MST1R: variants seen among roughly 807,000 people sequenced by gnomAD.
MST1R encodes the protein macrophage-stimulating protein receptor.
MST1R carries 99 observed loss-of-function variants against 117.8 expected under a neutral mutation model. That is an observed-to-expected ratio of 0.84 (90% CI 0.71 to 0.99). MST1R has a LOEUF of 0.99. Ranked by LOEUF, MST1R falls within the 50% of genes least tolerant of loss-of-function variation. The pLI is 0.00. For synonymous variants in MST1R, 734 were observed against 765.3 expected (o/e 0.96, Z 0.68); for missense variants, 1,683 against 1,840.2 (o/e 0.91, Z 1.56).
chr3:49,890,786 C>T (rs1309903982), intron 17 of MST1R, 136 bp from the exon 18 acceptor site: 4 of 795,154 alleles, frequency 5.0e-6, no homozygotes, highest in African/African-American at 3.5e-5. Context: ...AGTGCAGTGG[C>T]GCGATCTCCG....
intron 19 of MST1R, 44 bp from the exon 20 acceptor site, chr3:49,887,606 A>G (rs934335276): frequency 6.3e-7 from 1 of 1,598,576 alleles, no homozygotes; most frequent in Non-Finnish European, 8.5e-7. Context: ...TTTCCACCCA[A>G]GGATTCTGGG....
Position 49,887,268 on chromosome 3 carries a change from A to C in MST1R, c.*39T>G. 6.2e-7 allele frequency: 1 copy of C among 1,606,458 alleles called. No individual in the cohort carries two copies. The highest frequency in any genetic ancestry group is 8.5e-7 in the Non-Finnish European group (1 of 1,175,826). On this transcript the variant is annotated 3_prime_UTR_variant, in exon 20 of 20. Transcript: ENST00000296474. ...CATGGCCCAGAGGCAGCTTGGGGTT[A>C]GCTCAAGGCAGCTAAGCAGGTCCAG... is the stretch of plus-strand genomic sequence containing the variant.
intron 17 of MST1R, among the ~76,000 whole-genome samples, 195 bp downstream of exon 17, chr3:49,891,002 A>G (rs2082298152): frequency 6.6e-6 from 1 of 152,214 alleles, no homozygotes. Flanking sequence ...CTGGGATTAC[A>G]GACGTGAGCC....
At position 49,887,226 on chromosome 3, in the gene MST1R, A is replaced by C. The variant is rs2082188803; in HGVS notation, c.*81T>G. On this transcript the variant is annotated 3_prime_UTR_variant, in exon 20 of 20. Transcript: ENST00000296474. ...AAGGGCAGGAACAAGGTGGAGGGCCACTGCCCTCTGGCCTGGCATGGCCCA... is the reference window on the plus strand; with the variant it reads ...AAGGGCAGGAACAAGGTGGAGGGCCCCTGCCCTCTGGCCTGGCATGGCCCA... The C allele has an allele frequency of 1.6e-5, 25 of 1,562,708 alleles. No homozygotes were observed. Among genetic ancestry groups the C allele is most frequent in the Non-Finnish European group, 2.1e-5 (24 of 1,150,340 alleles).
At chr3:49,893,724 C>G (rs2082381855) in intron 14 of MST1R, among the ~76,000 whole-genome samples, 1 of 149,854 alleles carries the variant, frequency 6.7e-6, no homozygotes, top group South Asian at 2.1e-4. Flanking sequence ...ACGGTGAAAC[C>G]CCATCTCTAC....
chr3:49,898,439 T>C (rs1192189181), intron 4 of MST1R, 79 bp downstream of exon 4: 7 of 1,547,018 alleles, frequency 4.5e-6, no homozygotes, highest in Middle Eastern at 1.8e-4. Flanking sequence ...CTGAGAAAAA[T>C]TGTGATCAAG....
Position 49,898,011 on chromosome 3 carries a change from T to TC in MST1R, c.1880+39dup, listed in dbSNP as rs777700227. The TC allele has an allele frequency of 5.0e-6, 8 of 1,611,804 alleles. No individual in the cohort carries two copies. The Admixed American group carries it at 1.3e-4, about 27-fold the overall frequency. On this transcript the variant is annotated intron_variant, in intron 5 of 19. Coordinates refer to ENST00000296474, the MANE Select transcript of MST1R (RefSeq NM_002447.4). ...CTCATGGGGAAGGGGCTGCTTGGTT[T>TC]CCCCCTTCAGGGAAAGGGAGGGGAG...
intron 11 of MST1R, 21 bp downstream of exon 11, chr3:49,895,940 A>T: frequency 6.4e-7 from 1 of 1,568,392 alleles, no homozygotes; most frequent in Non-Finnish European, 8.6e-7. Flanking sequence ...TTTCCCAGGG[A>T]GGTCCAGCTG....
rs776861834 is a variant in MST1R, at chr3:49,896,247, G to C, written c.2597C>G (p.Pro866Arg). Reference protein sequence around the residue: ...GFRFLPPPHPPSANLVPLKPE... With the variant: ...GFRFLPPPHPRSANLVPLKPE... ...CTTCAGTGGAACTAGGTTGGCACTG[G>C]GTGGATGGGGTGGGGGTAGGAAGCG... Residue 866 changes from proline to arginine, a missense_variant, in exon 10 of 20, where the codon CCC (proline) becomes CGC (arginine). Transcript: ENST00000296474. 1 of 1,614,168 alleles carries C rather than the reference G, an allele frequency of 6.2e-7. No individual in the cohort carries two copies. The highest frequency in any genetic ancestry group is 2.2e-5 in the East Asian group (1 of 44,878).
rs142020857 is a variant in MST1R at position 49,898,202 on chromosome 3, G to T, written c.1729C>A (p.His577Asn). Residue 577 changes from histidine to asparagine, a missense_variant, in exon 5 of 20, where the codon CAC becomes AAC. Transcript: ENST00000296474. ...GTACTGCCCCTTAGAGGTCCACTGTGGGGGTGGAACTGAAATGGGGGAAAC... is the reference window on the plus strand; with the variant it reads ...GTACTGCCCCTTAGAGGTCCACTGTTGGGGTGGAACTGAAATGGGGGAAAC... ...CPPKLTEFHP[H>N]SGPLRGSTRL... is the part of the protein sequence containing the mutation. The T allele has an allele frequency of 1.2e-6, 2 of 1,613,734 alleles. No individual in the cohort carries two copies. The highest frequency in any genetic ancestry group is 1.1e-5 in the South Asian group (1 of 91,076).
At position 49,903,329 on chromosome 3, in the gene MST1R, C is replaced by T; in HGVS notation, c.281G>A (p.Gly94Asp). Residue 94 changes from glycine to aspartate, a missense_variant, in exon 1 of 20, where the codon GGC becomes GAC. Transcript: ENST00000296474. Reference protein sequence around the residue: ...DLKSVQSLATGPAGDPGCQTC... With the variant: ...DLKSVQSLATDPAGDPGCQTC... ...CTGGCAGCCAGGGTCTCCAGCAGGG[C>T]CCGTGGCCAGGCTCTGGACAGACTT... The T allele has an allele frequency of 6.2e-7, 1 of 1,613,318 alleles. No homozygotes were observed. The highest frequency in any genetic ancestry group is 2.2e-5 in the East Asian group (1 of 44,878).
rs1274426173 is a variant in MST1R at position 49,896,393 on chromosome 3, C to T, written c.2451G>A (p.Gln817=). Residue 817 remains glutamine, a synonymous_variant, in exon 10 of 20, where the codon CAG becomes CAA. Coordinates refer to ENST00000296474, the MANE Select transcript of MST1R (RefSeq NM_002447.4). ...LRAVESRCER[Q]LPEQQLCRLP... is the part of the protein sequence containing the mutation. ...GGCGGCACAGCTGCTGCTCTGGAAGCTGCCTCTCACACTGCTGGGACCAAT... is the reference window on the plus strand; with the variant it reads ...GGCGGCACAGCTGCTGCTCTGGAAGTTGCCTCTCACACTGCTGGGACCAAT... 6.2e-7 allele frequency: 1 copy of T among 1,613,238 alleles called. No individual in the cohort carries two copies. Among genetic ancestry groups the T allele is most frequent in the Non-Finnish European group, 8.5e-7 (1 of 1,179,722 alleles).
chr3:49,887,167 A>C lies in MST1R; in HGVS notation c.*140T>G. On this transcript the variant is annotated 3_prime_UTR_variant, in exon 20 of 20. Transcript: ENST00000296474. ...CTCACTCTGTGGAGTGAGGGACCTA[A>C]TGGGCCCCATTTACCTATTGCCTCT... is the stretch of plus-strand genomic sequence containing the variant. 8.5e-7 allele frequency: 1 copy of C among 1,179,484 alleles called. No individual in the cohort carries two copies. The highest frequency in any genetic ancestry group is 1.5e-5 in the South Asian group (1 of 68,328). 73.1% of individuals were successfully genotyped at this position (1,179,484 alleles called of 1,614,324 possible).
rs2082457523 is a variant in MST1R at position 49,896,001 on chromosome 3, G to A, written c.2756C>T (p.Pro919Leu). 2 of 1,593,282 alleles carry A rather than the reference G, an allele frequency of 1.3e-6. No homozygotes were observed. Among genetic ancestry groups the A allele is most frequent in the Non-Finnish European group, 1.7e-6 (2 of 1,169,622 alleles). ...ATCCTGGCCAAGCTGCAGGGATGGG[G>A]GCAGGGGGCAGACAACCATGTCCCC... ...FRGDMVVCPL[P>L]PSLQLGQDGA... Residue 919 changes from proline (P) to leucine (L), a missense_variant, in exon 11 of 20, where the codon CCC (proline) becomes CTC (leucine). Pro to Leu is a moderately conservative substitution (Grantham distance 98). Coordinates refer to ENST00000296474, the MANE Select transcript of MST1R (RefSeq NM_002447.4).
intron 14 of MST1R, among the ~76,000 whole-genome samples, chr3:49,893,693 A>G (rs944493964): frequency 6.8e-6 from 1 of 147,140 alleles, no homozygotes; most frequent in East Asian, 2.0e-4. Context: ...AGGTCAGGAG[A>G]TCGAGACCAT....
chr3:49,892,280 A>G (rs1187337935), intron 14 of MST1R, among the ~76,000 whole-genome samples: 1 of 151,784 alleles, frequency 6.6e-6, no homozygotes, highest in Non-Finnish European at 1.5e-5. Flanking sequence ...GACATTTTAA[A>G]AAAGCAGCAG....
rs2082711629 is a variant in MST1R at position 49,902,442 on chromosome 3, C to T, written c.1168G>A (p.Val390Ile). Residue 390 changes from valine to isoleucine, a missense_variant, in exon 1 of 20, where the codon GTC (valine) becomes ATC (isoleucine). Transcript: ENST00000296474. ...AGGCCTCGCCGGAGGCCTGGATGGA[C>T]TGGGGATTCACAACAGCGCTCCACA... is the stretch of plus-strand genomic sequence containing the variant. ...EGVERCCESP[V>I]HPGLRRGLDF... is the part of the protein sequence containing the mutation. 1 of 1,614,180 alleles carries T rather than the reference C, an allele frequency of 6.2e-7. No individual in the cohort carries two copies. The highest frequency in any genetic ancestry group is 8.5e-7 in the Non-Finnish European group (1 of 1,180,034).
chr3:49,887,800 G>A (rs2082206790), intron 19 of MST1R, among the ~76,000 whole-genome samples: 1 of 152,234 alleles, frequency 6.6e-6, no homozygotes, highest in African/African-American at 2.4e-5. Context: ...GGGCTCCTGT[G>A]CCCTGTGGCC....
At chr3:49,890,700 T>C in intron 17 of MST1R, 50 bp from the exon 18 acceptor site, 12 of 1,538,318 alleles carry the variant, frequency 7.8e-6, no homozygotes, top group Non-Finnish European at 9.7e-6. Context: ...TACCAGGCCC[T>C]GAACCCACCT....
Sources: gnomAD v4.1 joint callset for allele counts (sites outside exome capture counted in the v4.1 genomes callset) on GRCh38, gnomAD v4.1.1 for gene constraint, MANE v1.5 for transcripts, NCBI Gene and HGNC (gene_info 2026-07-23, HGNC 2026-07-21) for gene names.